KIF13B: variants seen among roughly 807,000 people sequenced by gnomAD.
KIF13B encodes the protein kinesin family member 13B.
In KIF13B, 127 loss-of-function variants were observed where a neutral mutation model predicts 222.0. The ratio of observed to expected loss-of-function variants is 0.57; its 90% CI spans 0.50 to 0.66. The LOEUF (loss-of-function observed/expected upper bound fraction) is 0.66. Ranked by LOEUF, KIF13B falls within the 30% of genes least tolerant of loss-of-function variation. The pLI, the probability that KIF13B is intolerant of heterozygous loss-of-function variation, is 0.00. For synonymous variants in KIF13B, 976 were observed against 919.0 expected, an observed-to-expected ratio of 1.06 and a Z score of -1.12; for missense variants, 2,173 against 2,379.0, an observed-to-expected ratio of 0.91 and a Z score of 1.80.
chr8:29,245,230 AAT>A (rs1815968758), intron 2 of KIF13B, 114 bp downstream of exon 2: 2 of 713,904 alleles, frequency 2.8e-6, no homozygotes. Flanking sequence ...AGAAGACAGC[AAT>A]ATGTCTCTAC....
intron 14 of KIF13B, among the ~76,000 whole-genome samples, chr8:29,150,750 A>G (rs754651186): frequency 7.2e-5 from 11 of 152,146 alleles, no homozygotes; most frequent in Non-Finnish European, 5.9e-5. Context: ...CACCTCTCTA[A>G]TTGTTTTTGG....
chr8:29,112,431 C>CAAA (rs34908319), intron 32 of KIF13B, among the ~76,000 whole-genome samples: 10 of 78,226 alleles, frequency 1.3e-4, no homozygotes, highest in East Asian at 4.7e-4. Flanking sequence ...GACTCAGTCT[C>CAAA]AAAAAAAAAA....
intron 7 of KIF13B, 128 bp downstream of exon 7, chr8:29,181,791 T>C: frequency 3.8e-6 from 2 of 528,158 alleles, no homozygotes; most frequent in Non-Finnish European, 6.6e-6. Context: ...TTAGGATTTT[T>C]GTAAAGTGAT....
chr8:29,253,104 T>C (rs927644016), intron 1 of KIF13B, among the ~76,000 whole-genome samples: 1 of 152,170 alleles, frequency 6.6e-6, no homozygotes, highest in Non-Finnish European at 1.5e-5. Context: ...CTTGGGAGTC[T>C]GAAGCAGGGG....
At chr8:29,187,456 G>A (rs1012519149) in intron 5 of KIF13B, among the ~76,000 whole-genome samples, 2 of 152,114 alleles carry the variant, frequency 1.3e-5, no homozygotes, top group Admixed American at 1.3e-4. Flanking sequence ...GCTTGAACCT[G>A]GGAGGCAGAG....
rs1333506137 is a variant in KIF13B, at chr8:29,142,312, AGAGT to A, written c.2188-13_2188-10del. On this transcript the variant is annotated splice_polypyrimidine_tract_variant and intron_variant, in intron 18 of 39. Transcript: ENST00000524189. ...CTAAGAAGAGAGCCTCGCTGCAAAG[AGAGT>A]AAGAATGACCGTGAGAAACACACAG... 3 of 1,607,650 alleles carry A rather than the reference AGAGT, an allele frequency of 1.9e-6. No homozygotes were observed. The African/African-American group carries it at 4.0e-5, about 21-fold the overall frequency.
upstream of KIF13B, chr8:29,263,218 T>C (rs1816757193): frequency 1.8e-6 from 1 of 555,272 alleles, no homozygotes; most frequent in East Asian, 3.5e-5. Flanking sequence ...CCCAGGGTCG[T>C]CGTGGGCGGG....
chr8:29,104,156 G>A (rs957100127), intron 35 of KIF13B, among the ~76,000 whole-genome samples: 3 of 151,808 alleles, frequency 2.0e-5, no homozygotes, highest in Non-Finnish European at 4.4e-5. Flanking sequence ...CTGCCTCGGC[G>A]CTCCCCAGCC....
At chr8:29,110,466 TG>T in intron 32 of KIF13B, 2 of 212,042 alleles carry the variant, frequency 9.4e-6, no homozygotes, top group South Asian at 6.8e-5. Flanking sequence ...CTGGGGTGAC[TG>T]CTACACAGCG....
At chr8:29,080,510 G>T (rs940960250) in intron 37 of KIF13B, among the ~76,000 whole-genome samples, 4 of 152,152 alleles carry the variant, frequency 2.6e-5, no homozygotes, top group Non-Finnish European at 5.9e-5. Flanking sequence ...CCAGCCTCCG[G>T]CATGTGAGGC....
chr8:29,070,866 C>T lies in KIF13B; in HGVS notation c.5219-100G>A. On this transcript the variant is annotated intron_variant, in intron 39 of 39. Transcript: ENST00000524189. This position sits in a 1 kb window ranked among gnomAD's most constrained non-coding sequence, Gnocchi z 4.1. The stretch of plus-strand genomic sequence containing the variant: ...AGAGGCCATGTGCCCACACTGCCAC[C>T]CCCCCGCACAGGCCCTACACAGCCA... 1.5e-6 allele frequency: 2 copies of T among 1,292,072 alleles called. No individual in the cohort carries two copies. The highest frequency in any genetic ancestry group is 2.2e-6 in the Non-Finnish European group (2 of 926,914). The allele number at this position is 1,292,072 out of a possible 1,614,324, so 80.0% of individuals were successfully genotyped here.
At chr8:29,107,339 C>T (rs1165357059) in intron 35 of KIF13B, among the ~76,000 whole-genome samples, 2 of 151,918 alleles carry the variant, frequency 1.3e-5, no homozygotes, top group Non-Finnish European at 2.9e-5. Flanking sequence ...ACCAGCCTGG[C>T]CAACACGGTG....
At chr8:29,186,857 TA>T (rs1450699025) in intron 5 of KIF13B, among the ~76,000 whole-genome samples, 1 of 150,774 alleles carries the variant, frequency 6.6e-6, no homozygotes, top group Non-Finnish European at 1.5e-5. Flanking sequence ...TAGTCCCAGC[TA>T]CTCGGGAGGC....
At chr8:29,121,136 TA>T (rs1809840705) in intron 29 of KIF13B, among the ~76,000 whole-genome samples, 1 of 151,364 alleles carries the variant, frequency 6.6e-6, no homozygotes, top group Non-Finnish European at 1.5e-5. Context: ...CTGCCCAAGG[TA>T]ATTTACAGAT....
chr8:29,192,206 G>C (rs766642937), intron 3 of KIF13B, among the ~76,000 whole-genome samples: 14 of 152,156 alleles, frequency 9.2e-5, no homozygotes, highest in Non-Finnish European at 2.1e-4. Flanking sequence ...CTGACTGTAA[G>C]CTTTCACTCA....
At chr8:29,261,010 T>C (rs527999730) in intron 1 of KIF13B, among the ~76,000 whole-genome samples, 1 of 152,322 alleles carries the variant, frequency 6.6e-6, no homozygotes, top group Non-Finnish European at 1.5e-5. Flanking sequence ...ATAACCTTTA[T>C]ATTTATGTGA....
chr8:29,180,198 G>A lies in KIF13B; in HGVS notation c.626C>T (p.Thr209Ile). 6.2e-7 allele frequency: 1 copy of A among 1,614,000 alleles called. No individual in the cohort carries two copies. The highest frequency in any genetic ancestry group is 8.5e-7 in the Non-Finnish European group (1 of 1,179,854). ...CTCGTTCATGTTGGTTGCAGCAACT[G>A]TGCGAGATTTGTTACCCTCAGACAT... is the stretch of plus-strand genomic sequence containing the variant. ...SLMSEGNKSR[T>I]VAATNMNEES... The change falls in exon 8 of 40, where the codon ACA (threonine) becomes ATA (isoleucine). Residue 209 changes from threonine (T) to isoleucine (I), a missense_variant. Thr to Ile is a moderately conservative substitution (Grantham distance 89). This residue lies in a region of KIF13B where 1,480 missense variants were observed against 1,722.8 expected (regional missense o/e 0.86). Coordinates refer to ENST00000524189, the MANE Select transcript of KIF13B (RefSeq NM_015254.4).
intron 35 of KIF13B, among the ~76,000 whole-genome samples, chr8:29,107,912 C>T (rs959308830): frequency 6.6e-6 from 1 of 152,148 alleles, no homozygotes; most frequent in Non-Finnish European, 1.5e-5. Flanking sequence ...GAAGTACGAG[C>T]TTTAGCAGAA....
chr8:29,174,140 C>T (rs2130228082), intron 10 of KIF13B, among the ~76,000 whole-genome samples: 1 of 152,190 alleles, frequency 6.6e-6, no homozygotes, highest in East Asian at 1.9e-4. Context: ...ATACTTTGAG[C>T]AAATTTTTTT....
Sources: allele counts gnomAD v4.1 joint callset (sites outside exome capture counted in the v4.1 genomes callset), GRCh38; gene constraint gnomAD v4.1.1; regional missense constraint gnomAD v4.1.1; non-coding constraint Gnocchi (gnomAD v3.1); transcripts MANE v1.5; gene names NCBI Gene and HGNC (gene_info 2026-07-23, HGNC 2026-07-21).